HTT: variants seen among roughly 807,000 people sequenced by gnomAD.
HTT encodes huntington disease protein.
Under a neutral mutation model 362.3 loss-of-function variants are expected in HTT, and 104 were observed. The observed-to-expected ratio is 0.29, with a 90% CI of 0.24 to 0.34. The LOEUF (loss-of-function observed/expected upper bound fraction) is 0.34. Among genes scored for constraint, HTT ranks in the 10% least tolerant of loss-of-function variants. The pLI, the probability that HTT is intolerant of heterozygous loss-of-function variation, is 1.00. For synonymous variants in HTT, 1,577 were observed against 1,548.7 expected, an observed-to-expected ratio of 1.02 and a Z score of -0.43; for missense variants, 3,301 against 3,928.6, an observed-to-expected ratio of 0.84 and a Z score of 4.27.
At position 3,146,956 on chromosome 4, in the gene HTT, T is replaced by G. The variant is rs1716632012; in HGVS notation, c.3295+8T>G. 1.2e-6 allele frequency: 2 copies of G among 1,613,928 alleles called. No individual in the cohort carries two copies. Among genetic ancestry groups the G allele is most frequent in the East Asian group, 2.2e-5 (1 of 44,898 alleles). ...CCGGAAACTTGCTTGCAGGTACTGG[T>G]ACTGAGTTGAAACAGGGACTCCAGG... On this transcript the variant is annotated splice_region_variant and intron_variant, in intron 25 of 66. Transcript: ENST00000355072.
At chr4:3,102,271 C>T (rs1578499584) in intron 3 of HTT, among the ~76,000 whole-genome samples, 1 of 152,200 alleles carries the variant, frequency 6.6e-6, no homozygotes, top group African/African-American at 2.4e-5. Flanking sequence ...AGGCCAGCAG[C>T]GTGCTGCCAT....
At chr4:3,197,587 C>T (rs948950123) in intron 40 of HTT, among the ~76,000 whole-genome samples, 2 of 152,142 alleles carry the variant, frequency 1.3e-5, no homozygotes, top group Non-Finnish European at 2.9e-5. Flanking sequence ...TCCTCCATGC[C>T]TTGTGCAGTG....
At chr4:3,233,791 G>A (rs362271) in intron 61 of HTT, among the ~76,000 whole-genome samples, 40,308 of 152,136 alleles carry the variant, frequency 0.26, 6,018 homozygotes, top group East Asian at 0.36. Context: ...GGCAGGTTCT[G>A]TACACACGTG....
At chr4:3,077,350 C>T (rs1314953465) in intron 1 of HTT, among the ~76,000 whole-genome samples, 2 of 151,964 alleles carry the variant, frequency 1.3e-5, no homozygotes, top group Admixed American at 6.6e-5. Context: ...TGTATCCTGC[C>T]AGATATAACC....
At chr4:3,121,042 C>A (rs1715274170) in intron 8 of HTT, among the ~76,000 whole-genome samples, 186 bp from the exon 9 acceptor site, 2 of 152,078 alleles carry the variant, frequency 1.3e-5, no homozygotes. Context: ...AACAAAAAAT[C>A]ATGGGAATTT....
At chr4:3,222,307 C>A in intron 53 of HTT, 80 bp from the exon 54 acceptor site, 1 of 1,200,274 alleles carries the variant, frequency 8.3e-7, no homozygotes, top group Non-Finnish European at 1.2e-6. Flanking sequence ...AGGGGCCGTG[C>A]TGTGTCGGCG....
chr4:3,238,820 G>A lies in HTT; in HGVS notation c.9057G>A (p.Val3019=). The A allele has an allele frequency of 6.2e-7, 1 of 1,605,432 alleles. No homozygotes were observed. The highest frequency in any genetic ancestry group is 8.5e-7 in the Non-Finnish European group (1 of 1,175,528). ...PQFMATVVYK[V]FQTLHSTGQS... is the part of the protein sequence containing the mutation. Reference sequence around the variant, plus strand: ...AGGCACCTGCTTGCTCCTTGCAGGTGTTTCAGACTCTGCACAGCACCGGGC... The same window carrying A: ...AGGCACCTGCTTGCTCCTTGCAGGTATTTCAGACTCTGCACAGCACCGGGC... Residue 3019 remains valine, a splice_region_variant and synonymous_variant, in exon 66 of 67, where the codon GTG becomes GTA. Coordinates refer to ENST00000355072, the MANE Select transcript of HTT (RefSeq NM_001388492.1).
intron 51 of HTT, among the ~76,000 whole-genome samples, chr4:3,216,853 G>A (rs1452507663): frequency 1.3e-5 from 2 of 151,806 alleles, no homozygotes; most frequent in Admixed American, 6.6e-5. Flanking sequence ...GTGAAACCCC[G>A]TCTCTACTAA....
In HTT at chr4:3,105,420, C is replaced by T. The variant is rs967059339; in HGVS notation, c.592C>T (p.Arg198Trp). Residue 198 changes from arginine (R) to tryptophan (W), a missense_variant, in exon 5 of 67, where the codon CGG (arginine) becomes TGG (tryptophan). Arg to Trp is a moderately radical substitution (Grantham distance 101). Transcript: ENST00000355072. ...WRFAELAHLVRPQKCRPYLVN... is the reference protein window; with the variant it reads ...WRFAELAHLVWPQKCRPYLVN... Reference sequence around the variant, plus strand: ...GTTTGCTGAGCTGGCTCACCTGGTTCGGCCTCAGAAATGCAGGTAAGTTGT... The same window carrying T: ...GTTTGCTGAGCTGGCTCACCTGGTTTGGCCTCAGAAATGCAGGTAAGTTGT... 4 of 1,613,166 alleles carry T rather than the reference C, an allele frequency of 2.5e-6. No homozygotes were observed. The highest frequency in any genetic ancestry group is 1.7e-5 in the Admixed American group (1 of 60,020).
intron 40 of HTT, among the ~76,000 whole-genome samples, chr4:3,191,175 CTTTCTTTT>C (rs928766951): frequency 1.6e-4 from 24 of 148,892 alleles, no homozygotes; most frequent in Non-Finnish European, 3.2e-4. Context: ...TTCTTTCTTT[CTTTCTTTT>C]TTTTTTTGAG....
chr4:3,215,909 T>G (rs1388499674), intron 51 of HTT, among the ~76,000 whole-genome samples: 1 of 152,216 alleles, frequency 6.6e-6, no homozygotes, highest in African/African-American at 2.4e-5. Flanking sequence ...GCTGGGGTGC[T>G]TCAGCTTCTT....
Position 3,178,451 on chromosome 4 carries a change from C to A in HTT, c.4612+5C>A. On this transcript the variant is annotated splice_donor_5th_base_variant and intron_variant, in intron 35 of 66. Coordinates refer to ENST00000355072, the MANE Select transcript of HTT (RefSeq NM_001388492.1). ...GAAGGAAGGCTGTGACACATGGTAACGGGACACACCTTTCACTGTCGTCTT... is the reference window on the plus strand; with the variant it reads ...GAAGGAAGGCTGTGACACATGGTAAAGGGACACACCTTTCACTGTCGTCTT... 2 of 1,612,132 alleles carry A rather than the reference C, an allele frequency of 1.2e-6. No homozygotes were observed. The highest frequency in any genetic ancestry group is 1.7e-6 in the Non-Finnish European group (2 of 1,179,132).
At chr4:3,225,855 TC>T (rs1720885954) in intron 57 of HTT, 112 bp downstream of exon 57, 1 of 712,542 alleles carries the variant, frequency 1.4e-6, no homozygotes, top group South Asian at 2.0e-5. Flanking sequence ...AAGGAAGTTT[TC>T]CTTTTTTTTA....
chr4:3,102,838 AC>A (rs2110158995), intron 3 of HTT, among the ~76,000 whole-genome samples: 1 of 152,294 alleles, frequency 6.6e-6, no homozygotes, highest in Admixed American at 6.5e-5. Flanking sequence ...TAGCATCGTT[AC>A]TAGCTTGAAG....
chr4:3,191,659 C>G (rs941921458), intron 40 of HTT, among the ~76,000 whole-genome samples: 2 of 152,136 alleles, frequency 1.3e-5, no homozygotes, highest in African/African-American at 4.8e-5. Context: ...AAATCTTCAC[C>G]TAGCATTGTT....
chr4:3,077,369 T>C (rs944008812), intron 1 of HTT, among the ~76,000 whole-genome samples: 3 of 152,148 alleles, frequency 2.0e-5, no homozygotes, highest in South Asian at 2.1e-4. Flanking sequence ...CCTGTTCATA[T>C]TGTAAGATAG....
At chr4:3,165,422 G>C (rs922130451) in intron 29 of HTT, among the ~76,000 whole-genome samples, 7 of 152,064 alleles carry the variant, frequency 4.6e-5, no homozygotes, top group African/African-American at 7.2e-5. Flanking sequence ...TATCTTTGTG[G>C]TGTTCTCTGT....
Position 3,172,408 on chromosome 4 carries a change from C to A in HTT, c.3942+11C>A, listed in dbSNP as rs772664069. ...GTTTGTGTTCAACAAGTAAGAGCTT[C>A]ATTCTTTTCCTCTTCTGTTAAGACG... On this transcript the variant is annotated intron_variant, in intron 30 of 66. Coordinates refer to ENST00000355072, the MANE Select transcript of HTT (RefSeq NM_001388492.1). 1 of 1,565,508 alleles carries A rather than the reference C, an allele frequency of 6.4e-7. No individual in the cohort carries two copies. Among genetic ancestry groups the A allele is most frequent in the African/African-American group, 1.4e-5 (1 of 73,956 alleles).
intron 1 of HTT, among the ~76,000 whole-genome samples, chr4:3,075,773 G>A (rs1438897468): frequency 1.3e-5 from 2 of 152,234 alleles, no homozygotes; most frequent in South Asian, 2.1e-4. Context: ...CATGATCACG[G>A]TGGTAGTAAC....
Sources: gnomAD v4.1 joint callset for allele counts (sites outside exome capture counted in the v4.1 genomes callset) on GRCh38, gnomAD v4.1.1 for gene constraint, MANE v1.5 for transcripts, NCBI Gene and HGNC (gene_info 2026-07-23, HGNC 2026-07-21) for gene names.